The following MGME1 variants were observed in gnomAD, a reference collection of about 807,000 sequenced individuals.
MGME1 encodes the protein mitochondrial genome maintenance exonuclease 1.
A neutral mutation model predicts 33.0 loss-of-function variants in MGME1; 22 were observed. The observed-to-expected ratio is 0.67, with a 90% CI of 0.48 to 0.95. The LOEUF (loss-of-function observed/expected upper bound fraction) is 0.95, where lower values mean the gene tolerates loss of function less well. MGME1 is among the 40% of genes least tolerant of loss of function. The pLI is 0.00. For synonymous variants in MGME1, 133 were observed against 144.0 expected (o/e 0.92, Z 0.55); for missense variants, 383 against 397.8 (o/e 0.96, Z 0.32).
intron 2 of MGME1, among the ~76,000 whole-genome samples, chr20:17,974,728 A>G (rs1164220239): frequency 6.6e-6 from 1 of 152,216 alleles, no homozygotes. Context: ...TAAATATTAG[A>G]ATAGAAAAAT....
rs777917237 is a variant in MGME1 at position 17,990,024 on chromosome 20, A to G, written c.950A>G (p.Tyr317Cys). The G allele has an allele frequency of 1.3e-5, 21 of 1,614,026 alleles. No individual in the cohort carries two copies. The East Asian group carries it at 4.5e-4, about 34-fold the overall frequency. The stretch of plus-strand genomic sequence containing the variant: ...ATGGATGCAGAGCTCTGTTCCCAGT[A>G]CTGGACCAAGTGGCTTCTTCGACTA... Reference protein sequence around the residue: ...HFMDAELCSQYWTKWLLRLEE... With the variant: ...HFMDAELCSQCWTKWLLRLEE... The change falls in exon 5 of 5, where the codon TAC becomes TGC. Residue 317 changes from tyrosine (Y) to cysteine (C), a missense_variant. Coordinates refer to ENST00000377710, the MANE Select transcript of MGME1 (RefSeq NM_052865.4).
intron 3 of MGME1, among the ~76,000 whole-genome samples, chr20:17,987,741 A>G (rs1568617134): frequency 6.6e-6 from 1 of 152,244 alleles, no homozygotes; most frequent in Non-Finnish European, 1.5e-5. Context: ...TGATTTTGAA[A>G]TTGAAGTCAT....
Position 17,970,368 on chromosome 20 carries a change from C to T in MGME1, c.509C>T (p.Ser170Leu), listed in dbSNP as rs1217763021. 2 of 1,604,480 alleles carry T rather than the reference C, an allele frequency of 1.2e-6. No homozygotes were observed. Among genetic ancestry groups the T allele is most frequent in the East Asian group, 2.2e-5 (1 of 44,812 alleles). ...LGEDGFKEYT[S>L]NVFLQGKRFH... is the part of the protein sequence containing the mutation. The stretch of plus-strand genomic sequence containing the variant: ...GAAGATGGCTTTAAAGAATACACTT[C>T]AAGTAATTATCTCAATTCTGATTCT... Residue 170 changes from serine (S) to leucine (L), a missense_variant and splice_region_variant, in exon 2 of 5, where the codon TCA becomes TTA. Coordinates refer to ENST00000377710, the MANE Select transcript of MGME1 (RefSeq NM_052865.4).
At chr20:17,987,651 T>C (rs2036187557) in intron 3 of MGME1, among the ~76,000 whole-genome samples, 2 of 152,208 alleles carry the variant, frequency 1.3e-5, no homozygotes, top group Admixed American at 1.3e-4. Flanking sequence ...AGACTGAGTT[T>C]GCATGAGGTG....
intron 2 of MGME1, among the ~76,000 whole-genome samples, chr20:17,974,789 C>T (rs2035817657): frequency 6.6e-6 from 1 of 151,796 alleles, no homozygotes; most frequent in Admixed American, 6.6e-5. Flanking sequence ...GCTGTTCCAG[C>T]ACTAAAAAAA....
intron 4 of MGME1, 119 bp downstream of exon 4, chr20:17,988,417 G>A: frequency 9.4e-7 from 1 of 1,061,076 alleles, no homozygotes; most frequent in Non-Finnish European, 1.3e-6. Context: ...CAAGGCCGGT[G>A]GATCACTTGA....
At chr20:17,987,169 CTAAA>C (rs1568616693) in intron 3 of MGME1, among the ~76,000 whole-genome samples, 6 of 95,962 alleles carry the variant, frequency 6.3e-5, no homozygotes, top group African/African-American at 2.1e-4. Flanking sequence ...GAGACTCCAT[CTAAA>C]AAAAAAAAAA....
At chr20:17,968,601 G>A (rs1487605628), upstream of MGME1, 8 of 633,588 alleles carry the variant, frequency 1.3e-5, no homozygotes, top group Non-Finnish European at 2.0e-5. Flanking sequence ...GCTGCCCCGG[G>A]AGCAGGCGAG....
chr20:17,973,750 T>C (rs1018205655), intron 2 of MGME1, among the ~76,000 whole-genome samples: 1 of 152,206 alleles, frequency 6.6e-6, no homozygotes, highest in Admixed American at 6.5e-5. Context: ...TCTGAGTATC[T>C]AATTGGTGAT....
chr20:17,987,170 T>TA (rs373017515), intron 3 of MGME1, among the ~76,000 whole-genome samples: 164 of 122,398 alleles, frequency 1.3e-3, no homozygotes, highest in East Asian at 2.2e-3. Context: ...AGACTCCATC[T>TA]AAAAAAAAAA....
In MGME1 at chr20:17,991,071, T is replaced by G. The variant is rs1169877646; in HGVS notation, c.*962T>G. The G allele has an allele frequency of 1.3e-5, 2 of 152,206 alleles. No individual in the cohort carries two copies. The highest frequency in any genetic ancestry group is 4.8e-5 in the African/African-American group (2 of 41,464). The allele number at this position is 152,206 out of a possible 1,614,324, so 9.4% of individuals were successfully genotyped here. On this transcript the variant is annotated 3_prime_UTR_variant, in exon 5 of 5. Coordinates refer to ENST00000377710, the MANE Select transcript of MGME1 (RefSeq NM_052865.4). ...AAAATAGTAGCCTGCTACAATGACT[T>G]CTTTGGGTAGCCATTTTCATAAGAA...
intron 2 of MGME1, among the ~76,000 whole-genome samples, chr20:17,971,825 G>A (rs568548484): frequency 2.0e-5 from 3 of 152,058 alleles, no homozygotes; most frequent in African/African-American, 4.8e-5. Context: ...AGACTTGACC[G>A]CCGGGACCCA....
At chr20:17,987,618 C>T (rs1600406403) in intron 3 of MGME1, among the ~76,000 whole-genome samples, 1 of 152,028 alleles carries the variant, frequency 6.6e-6, no homozygotes, top group South Asian at 2.1e-4. Flanking sequence ...TCACATTTTA[C>T]TTCTTTTAGC....
intron 2 of MGME1, among the ~76,000 whole-genome samples, chr20:17,971,163 T>G (rs1166798683): frequency 6.6e-6 from 1 of 152,258 alleles, no homozygotes; most frequent in Non-Finnish European, 1.5e-5. Flanking sequence ...TAGCCTGGGC[T>G]TCTATTTAAG....
intron 3 of MGME1, among the ~76,000 whole-genome samples, chr20:17,987,055 A>G (rs1424204288): frequency 6.6e-6 from 1 of 151,660 alleles, no homozygotes; most frequent in Non-Finnish European, 1.5e-5. Flanking sequence ...TGGCGCACAC[A>G]TGTAATGCCA....
intron 3 of MGME1, among the ~76,000 whole-genome samples, chr20:17,987,729 G>T (rs2036189187): frequency 6.6e-6 from 1 of 152,120 alleles, no homozygotes; most frequent in South Asian, 2.1e-4. Context: ...CCTATAAACT[G>T]CTGATTTTGA....
chr20:17,988,110 T>C (rs1162190998), intron 3 of MGME1, 56 bp from the exon 4 acceptor site: 3 of 1,531,356 alleles, frequency 2.0e-6, no homozygotes, highest in Non-Finnish European at 2.7e-6. Context: ...GTTAACCTAG[T>C]AGAGATTTTC....
Position 17,979,132 on chromosome 20 carries a change from G to A in MGME1, c.731+3229G>A, listed in dbSNP as rs1195847951. Among the ~76,000 whole-genome samples the A allele has an allele frequency of 4.6e-5, 7 of 151,566 alleles. No homozygotes were observed. The South Asian group carries it at 1.0e-3, about 23-fold the overall frequency. ...TGTTCAGTTGCCCAAGCTGGAGTGC[G>A]GTGGCATGATCTCGGCTCACTGCAA... On this transcript the variant is annotated intron_variant, in intron 3 of 4. Transcript: ENST00000377710.
chr20:17,975,564 AAAAAG>A, intron 2 of MGME1, 115 bp from the exon 3 acceptor site: 1 of 805,152 alleles, frequency 1.2e-6, no homozygotes, highest in Non-Finnish European at 1.9e-6. Flanking sequence ...CAAAAAAAAA[AAAAAG>A]AAAAAAAAAT....
Sources: gnomAD v4.1 joint callset for allele counts (sites outside exome capture counted in the v4.1 genomes callset) on GRCh38, gnomAD v4.1.1 for gene constraint, MANE v1.5 for transcripts, NCBI Gene and HGNC (gene_info 2026-07-23, HGNC 2026-07-21) for gene names.